Variants in FAF1 observed in about 807,000 individuals in gnomAD.
FAF1 encodes Fas associated factor 1.
A neutral mutation model predicts 92.5 loss-of-function variants in FAF1; 25 were observed. That is an observed-to-expected ratio of 0.27 (90% CI 0.20 to 0.38). The LOEUF (loss-of-function observed/expected upper bound fraction) is 0.38, where lower values mean the gene tolerates loss of function less well. FAF1 is among the 10% of genes least tolerant of loss of function. The pLI is 1.00. For missense variants in FAF1, 636 were observed against 793.3 expected (o/e 0.80, Z 2.38); for synonymous variants, 234 against 273.2 (o/e 0.86, Z 1.42).
chr1:50,613,954 G>A (rs775901551), intron 8 of FAF1, among the ~76,000 whole-genome samples: 2 of 151,892 alleles, frequency 1.3e-5, no homozygotes, highest in South Asian at 2.1e-4. Flanking sequence ...AAAATTATCC[G>A]GGCGTGGTGG....
intron 1 of FAF1, among the ~76,000 whole-genome samples, chr1:50,870,451 C>T (rs1010448876): frequency 6.6e-6 from 1 of 152,228 alleles, no homozygotes; most frequent in Non-Finnish European, 1.5e-5. Context: ...GGCAAGACTC[C>T]ATCTCAAAAA....
In FAF1 at chr1:50,934,286, T is replaced by C. The variant is rs542076289; in HGVS notation, c.45+25481A>G. ...AATTTTTTAAATACTTACCCATATATATGAAATTTTCAGTGTTCTTCATGT... is the reference window on the plus strand; with the variant it reads ...AATTTTTTAAATACTTACCCATATACATGAAATTTTCAGTGTTCTTCATGT... On this transcript the variant is annotated intron_variant, in intron 1 of 18. Transcript: ENST00000396153. Among the ~76,000 whole-genome samples the C allele has an allele frequency of 3.0e-4, 46 of 152,340 alleles. 1 individual carries two copies. In the South Asian group the frequency reaches 9.1e-3, roughly 30 times the overall value.
chr1:50,474,349 T>G (rs1440457759), intron 18 of FAF1, among the ~76,000 whole-genome samples: 2 of 152,216 alleles, frequency 1.3e-5, no homozygotes, highest in Non-Finnish European at 2.9e-5. Context: ...GACATGCTCC[T>G]ATTTCTTCAG....
chr1:50,636,950 T>C (rs557896578), intron 8 of FAF1, among the ~76,000 whole-genome samples: 1 of 152,244 alleles, frequency 6.6e-6, no homozygotes, highest in South Asian at 2.1e-4. Context: ...AAGAACAAAC[T>C]GTCTCCACCG....
chr1:50,900,791 A>T (rs1644790207), intron 1 of FAF1, among the ~76,000 whole-genome samples: 1 of 152,166 alleles, frequency 6.6e-6, no homozygotes, highest in African/African-American at 2.4e-5. Flanking sequence ...GCCTCAAATG[A>T]GTATTTATTC....
chr1:50,796,137 AAAG>A (rs1661742408), intron 3 of FAF1, among the ~76,000 whole-genome samples: 1 of 152,194 alleles, frequency 6.6e-6, no homozygotes, highest in African/African-American at 2.4e-5. Context: ...ATAAATAGTG[AAAG>A]AAGAAACTCA....
At chr1:50,875,140 A>G (rs905943603) in intron 1 of FAF1, among the ~76,000 whole-genome samples, 2 of 151,942 alleles carry the variant, frequency 1.3e-5, no homozygotes, top group African/African-American at 4.8e-5. Flanking sequence ...AAATCATACC[A>G]ATCTGAATCT....
intron 2 of FAF1, among the ~76,000 whole-genome samples, chr1:50,856,624 C>A (rs900469494): frequency 6.6e-6 from 1 of 151,604 alleles, no homozygotes; most frequent in Admixed American, 6.6e-5. Context: ...ATCTGGAAGT[C>A]CATTTGGTTA....
chr1:50,903,100 A>T (rs1478931912), intron 1 of FAF1, among the ~76,000 whole-genome samples: 2 of 152,122 alleles, frequency 1.3e-5, no homozygotes, highest in Non-Finnish European at 2.9e-5. Flanking sequence ...CTTGAAATGT[A>T]GGAACTGTCT....
intron 1 of FAF1, among the ~76,000 whole-genome samples, chr1:50,887,143 T>C (rs1644673003): frequency 6.6e-6 from 1 of 152,224 alleles, no homozygotes; most frequent in Non-Finnish European, 1.5e-5. Flanking sequence ...ATGATGAGCA[T>C]TTTTTCATGT....
rs1649460451 is a variant in FAF1 at position 50,554,388 on chromosome 1, TATAGAGAG to T, written c.1268+12681_1268+12688del. 9.9e-5 allele frequency among the ~76,000 whole-genome samples: 10 copies of T among 100,690 alleles called. No individual in the cohort carries two copies. The South Asian group carries it at 3.3e-3, about 33-fold the overall frequency. 66.1% of individuals were successfully genotyped at this position (100,690 alleles called of 152,430 possible). ...AAATATATATATATATATATATATA[TATAGAGAG>T]AGAGAGAGAGAGAGAGAGAGTCTTA... On this transcript the variant is annotated intron_variant, in intron 13 of 18. Transcript: ENST00000396153.
rs1645302193 is a variant in FAF1 at position 50,959,900 on chromosome 1, C to T, written c.-89G>A. On this transcript the variant is annotated 5_prime_UTR_variant, in exon 1 of 19. Coordinates refer to ENST00000396153, the MANE Select transcript of FAF1 (RefSeq NM_007051.3). ...CTGCGACCGTCGCCGCCACCGCCGC[C>T]GCCGCCGCCGGGCGCCGAGGGGCTG... The T allele has an allele frequency of 4.7e-6, 4 of 842,534 alleles. No individual in the cohort carries two copies. The South Asian group carries it at 1.5e-4, about 31-fold the overall frequency. 52.2% of individuals were successfully genotyped at this position (842,534 alleles called of 1,614,324 possible).
chr1:50,900,843 G>A (rs981032381), intron 1 of FAF1, among the ~76,000 whole-genome samples: 1 of 151,898 alleles, frequency 6.6e-6, no homozygotes, highest in African/African-American at 2.4e-5. Context: ...ATGTGTGTGT[G>A]GGTATACATA....
At chr1:50,860,758 T>C (rs1414125764) in intron 1 of FAF1, among the ~76,000 whole-genome samples, 3 of 151,842 alleles carry the variant, frequency 2.0e-5, no homozygotes, top group African/African-American at 7.3e-5. Flanking sequence ...AAAAAATTCA[T>C]TGTACCAAAA....
In FAF1 at chr1:50,564,723, G is replaced by A. The variant is rs77596479; in HGVS notation, c.1268+2354C>T. Among the ~76,000 whole-genome samples, 528 of 152,214 alleles carry A rather than the reference G, an allele frequency of 3.5e-3. 4 individuals carry two copies. Among genetic ancestry groups the A allele is most frequent in the African/African-American group, 0.012 (485 of 41,560 alleles). On this transcript the variant is annotated intron_variant, in intron 13 of 18. Transcript: ENST00000396153. Reference sequence around the variant, plus strand: ...AAACCCAATTAGACAATTTTATTTAGATGAATCTGTGATATGATAGGTGGC... The same window carrying A: ...AAACCCAATTAGACAATTTTATTTAAATGAATCTGTGATATGATAGGTGGC...
At chr1:50,719,694 A>G (rs1015515638) in intron 6 of FAF1, among the ~76,000 whole-genome samples, 2 of 152,218 alleles carry the variant, frequency 1.3e-5, no homozygotes, top group African/African-American at 4.8e-5. Flanking sequence ...ACAAAATTTG[A>G]AAAAAGCAAA....
At position 50,596,233 on chromosome 1, in the gene FAF1, C is replaced by T. The variant is rs1256599632; in HGVS notation, c.745-17G>A. On this transcript the variant is annotated splice_polypyrimidine_tract_variant and intron_variant, in intron 8 of 18. Transcript: ENST00000396153. ...AAGACACATCTGCAAAAAGTAGAAT[C>T]CATCATTTGTAAACAAAATACGGCC... The T allele has an allele frequency of 1.3e-6, 2 of 1,573,972 alleles. No individual in the cohort carries two copies. The highest frequency in any genetic ancestry group is 1.4e-5 in the African/African-American group (1 of 73,854).
intron 8 of FAF1, among the ~76,000 whole-genome samples, chr1:50,636,475 T>C (rs566432914): frequency 2.9e-5 from 4 of 136,200 alleles, no homozygotes; most frequent in Non-Finnish European, 6.1e-5. Flanking sequence ...AATCTATGCC[T>C]CCCGGGCTCA....
chr1:50,735,342 G>A (rs1659094053), intron 6 of FAF1, among the ~76,000 whole-genome samples: 1 of 151,962 alleles, frequency 6.6e-6, no homozygotes, highest in African/African-American at 2.4e-5. Context: ...TTTTTAAAAG[G>A]GCTTAAAATG....
Sources: gnomAD v4.1 joint callset for allele counts (sites outside exome capture counted in the v4.1 genomes callset) on GRCh38, gnomAD v4.1.1 for gene constraint, MANE v1.5 for transcripts, NCBI Gene and HGNC (gene_info 2026-07-23, HGNC 2026-07-21) for gene names.